DGKB: variants seen among roughly 807,000 people sequenced by gnomAD.
DGKB encodes diacylglycerol kinase beta, also known as 90 kDa diacylglycerol kinase.
A neutral mutation model predicts 114.3 loss-of-function variants in DGKB; 67 were observed. The ratio of observed to expected loss-of-function variants is 0.59; its 90% confidence interval spans 0.48 to 0.72. The LOEUF is 0.72. Among genes scored for constraint, DGKB ranks in the 30% least tolerant of loss-of-function variants. The pLI is 0.00. For missense variants in DGKB, 907 were observed against 975.2 expected (o/e 0.93, Z 0.93); for synonymous variants, 398 against 323.1 (o/e 1.23, Z -2.49).
chr7:14,415,984 C>T (rs1188249171), intron 21 of DGKB, among the ~76,000 whole-genome samples: 2 of 152,096 alleles, frequency 1.3e-5, no homozygotes, highest in African/African-American at 4.8e-5. Context: ...GAGATGGTAT[C>T]TCATTGTGGT....
At chr7:14,854,847 G>A (rs1351219565) in intron 1 of DGKB, among the ~76,000 whole-genome samples, 1 of 152,002 alleles carries the variant, frequency 6.6e-6, no homozygotes, top group African/African-American at 2.4e-5. Context: ...TAATAAAATT[G>A]GTCTACTCTG....
chr7:14,920,314 A>C (rs1255673354), intron 1 of DGKB, among the ~76,000 whole-genome samples: 1 of 152,206 alleles, frequency 6.6e-6, no homozygotes, highest in Non-Finnish European at 1.5e-5. Flanking sequence ...AATCATAAGG[A>C]AACAATTTAA....
At chr7:14,523,391 G>C (rs548608760) in intron 20 of DGKB, among the ~76,000 whole-genome samples, 11 of 152,238 alleles carry the variant, frequency 7.2e-5, no homozygotes, top group Non-Finnish European at 1.6e-4. Context: ...CCATAGCCAT[G>C]CATGCTCCCT....
At chr7:14,170,003 A>C (rs111898693) in intron 25 of DGKB, among the ~76,000 whole-genome samples, 12 of 151,484 alleles carry the variant, frequency 7.9e-5, no homozygotes, top group Non-Finnish European at 1.6e-4. Context: ...GTGTGGTGGC[A>C]CATGCCTGTA....
At chr7:14,480,361 C>T (rs1252562331) in intron 20 of DGKB, among the ~76,000 whole-genome samples, 1 of 151,918 alleles carries the variant, frequency 6.6e-6, no homozygotes, top group Non-Finnish European at 1.5e-5. Context: ...GAATAGGTTC[C>T]ACCATAAAAA....
At chr7:14,924,147 T>G (rs1044067453) in intron 1 of DGKB, among the ~76,000 whole-genome samples, 17 of 152,250 alleles carry the variant, frequency 1.1e-4, no homozygotes, top group African/African-American at 4.1e-4. Context: ...TTTGTGGATT[T>G]CTATTTTTGT....
At chr7:14,691,035 T>C (rs1197440357) in intron 9 of DGKB, among the ~76,000 whole-genome samples, 1 of 152,222 alleles carries the variant, frequency 6.6e-6, no homozygotes, top group Non-Finnish European at 1.5e-5. Context: ...TCTTGCTCTC[T>C]GCTATTTGGT....
chr7:14,535,895 A>C (rs1792406988), intron 20 of DGKB, among the ~76,000 whole-genome samples: 1 of 152,044 alleles, frequency 6.6e-6, no homozygotes. Context: ...TGTTTTTTTT[A>C]AGATAAACAA....
chr7:14,489,828 C>G (rs1054444108), intron 20 of DGKB, among the ~76,000 whole-genome samples: 2 of 152,002 alleles, frequency 1.3e-5, no homozygotes, highest in African/African-American at 2.4e-5. Flanking sequence ...ATCATGTTTA[C>G]TATCTACAAG....
chr7:14,675,668 G>A (rs962214548), intron 12 of DGKB, among the ~76,000 whole-genome samples: 4 of 151,634 alleles, frequency 2.6e-5, no homozygotes, highest in Non-Finnish European at 5.9e-5. Flanking sequence ...TTGTCTAGGC[G>A]GTCGTAAGGC....
At chr7:14,495,310 T>C (rs1190939080) in intron 20 of DGKB, among the ~76,000 whole-genome samples, 1 of 151,890 alleles carries the variant, frequency 6.6e-6, no homozygotes, top group Non-Finnish European at 1.5e-5. Flanking sequence ...AAGAAACCTT[T>C]TGTGCTTTAA....
intron 23 of DGKB, among the ~76,000 whole-genome samples, chr7:14,276,449 A>C (rs181791411): frequency 4.2e-4 from 64 of 152,286 alleles, no homozygotes; most frequent in African/African-American, 1.3e-3. Context: ...CATTGCCATC[A>C]TATTTTTAAA....
At chr7:14,764,077 G>A (rs1836105438) in intron 2 of DGKB, among the ~76,000 whole-genome samples, 1 of 151,678 alleles carries the variant, frequency 6.6e-6, no homozygotes, top group African/African-American at 2.4e-5. Flanking sequence ...AGATATTCGT[G>A]GTATAGAAGA....
At chr7:14,949,227 A>G (rs1282030560) in intron 1 of DGKB, among the ~76,000 whole-genome samples, 2 of 151,934 alleles carry the variant, frequency 1.3e-5, no homozygotes, top group African/African-American at 2.4e-5. Flanking sequence ...AAATTACATA[A>G]GCAATAAGAT....
chr7:14,703,140 G>T (rs991433648), intron 6 of DGKB, among the ~76,000 whole-genome samples: 1 of 152,186 alleles, frequency 6.6e-6, no homozygotes, highest in African/African-American at 2.4e-5. Context: ...GCAGCAAATA[G>T]TGAAAAATAT....
chr7:14,771,452 G>A (rs545185543), intron 2 of DGKB, among the ~76,000 whole-genome samples: 1 of 152,058 alleles, frequency 6.6e-6, no homozygotes, highest in Non-Finnish European at 1.5e-5. Flanking sequence ...TGGTGATGTA[G>A]TATCTAAAGG....
chr7:14,703,139 A>C (rs975035767), intron 6 of DGKB, among the ~76,000 whole-genome samples: 14 of 152,220 alleles, frequency 9.2e-5, no homozygotes, highest in African/African-American at 3.4e-4. Context: ...AGCAGCAAAT[A>C]GTGAAAAATA....
At chr7:14,650,396 A>G (rs1814173409) in intron 13 of DGKB, among the ~76,000 whole-genome samples, 2 of 36,980 alleles carry the variant, frequency 5.4e-5, no homozygotes, top group Non-Finnish European at 1.0e-4. Flanking sequence ...CTGAATGACT[A>G]CTGGGTACAT....
chr7:14,956,025 T>C (rs1786485565), intron 1 of DGKB, among the ~76,000 whole-genome samples: 1 of 151,890 alleles, frequency 6.6e-6, no homozygotes, highest in Admixed American at 6.6e-5. Context: ...CTAAGACAGA[T>C]ATACAAATAA....
Sources: gnomAD v4.1 joint callset for allele counts (sites outside exome capture counted in the v4.1 genomes callset) on GRCh38, gnomAD v4.1.1 for gene constraint, MANE v1.5 for transcripts, NCBI Gene and HGNC (gene_info 2026-07-23, HGNC 2026-07-21) for gene names.